The following UBE2G2 variants were observed in gnomAD, a reference collection of about 807,000 sequenced individuals.
The protein encoded by UBE2G2 is ubiquitin-conjugating enzyme E2 G2.
UBE2G2 carries 10 observed loss-of-function variants against 23.0 expected under a neutral mutation model. The observed-to-expected ratio is 0.43, with a 90% CI of 0.27 to 0.74. UBE2G2 has a LOEUF of 0.74. Ranked by LOEUF, UBE2G2 falls within the 30% of genes least tolerant of loss-of-function variation. The pLI is 0.19. For missense variants in UBE2G2, 150 were observed against 218.3 expected (o/e 0.69, Z 1.97); for synonymous variants, 86 against 81.3 (o/e 1.06, Z -0.31).
chr21:44,777,124 A>G, intron 4 of UBE2G2, 175 bp downstream of exon 4: 1 of 606,660 alleles, frequency 1.6e-6, no homozygotes, highest in Non-Finnish European at 2.8e-6. Context: ...GACCTTCAAA[A>G]TTGAAATCAT....
intron 3 of UBE2G2, among the ~76,000 whole-genome samples, chr21:44,780,809 C>T (rs781784371): frequency 6.6e-6 from 1 of 152,186 alleles, no homozygotes; most frequent in Non-Finnish European, 1.5e-5. Flanking sequence ...CAGTGAAAAG[C>T]GAAGATCAGC....
chr21:44,775,016 C>CA (rs1432740022), intron 4 of UBE2G2: 1 of 291,684 alleles, frequency 3.4e-6, no homozygotes, highest in African/African-American at 2.3e-5. Flanking sequence ...GGCTTCCTCC[C>CA]ACCTGTCCTT....
At chr21:44,788,598 T>C (rs1258926444) in intron 1 of UBE2G2, among the ~76,000 whole-genome samples, 3 of 150,352 alleles carry the variant, frequency 2.0e-5, no homozygotes, top group African/African-American at 7.3e-5. Flanking sequence ...CAAATAGTTC[T>C]TTATACCAAC....
Position 44,770,103 on chromosome 21 carries a change from G to C in UBE2G2, c.*1274C>G, listed in dbSNP as rs1394141236. 1 of 152,252 alleles carries C rather than the reference G, an allele frequency of 6.6e-6. No individual in the cohort carries two copies. The highest frequency in any genetic ancestry group is 2.4e-5 in the African/African-American group (1 of 41,462). The allele number at this position is 152,252 out of a possible 1,614,324, so 9.4% of individuals were successfully genotyped here. A position where few individuals can be genotyped will look rare whatever the true frequency, so the allele number is the denominator to read the frequency against. On this transcript the variant is annotated 3_prime_UTR_variant, in exon 6 of 6. Transcript: ENST00000345496. ...CCCACATGCCCACCTCCACAGCCCA[G>C]TCAAGTGTGGGGATAAGGCACTCCT...
chr21:44,786,770 T>C (rs1555962071), intron 3 of UBE2G2, among the ~76,000 whole-genome samples: 3 of 152,274 alleles, frequency 2.0e-5, no homozygotes, highest in East Asian at 1.9e-4. Context: ...AAGACCTTGC[T>C]GCAAATTAAA....
intron 1 of UBE2G2, chr21:44,801,035 C>T (rs571128557): frequency 6.6e-6 from 1 of 152,654 alleles, no homozygotes; most frequent in East Asian, 1.9e-4. Context: ...GCTCCTGGCG[C>T]TTTCAACACA....
chr21:44,773,230 T>C (rs1461767520), intron 5 of UBE2G2, among the ~76,000 whole-genome samples: 1 of 152,124 alleles, frequency 6.6e-6, no homozygotes, highest in Non-Finnish European at 1.5e-5. Context: ...GGGGTCTTTG[T>C]CACACGAAGC....
rs147062773 is a variant in UBE2G2 at position 44,786,297 on chromosome 21, C to T, written c.125+1623G>A. ...AGCTGCCCCGATACAAGTATACAGC[C>T]GCACAGTCCACTAATGAGGACAGCC... On this transcript the variant is annotated intron_variant, in intron 3 of 5. Transcript: ENST00000345496. 4.5e-3 allele frequency among the ~76,000 whole-genome samples: 690 copies of T among 152,312 alleles called. 8 individuals are homozygous for T. Among genetic ancestry groups the T allele is most frequent in the African/African-American group, 0.016 (661 of 41,564 alleles).
intron 3 of UBE2G2, among the ~76,000 whole-genome samples, chr21:44,779,513 C>CA (rs1215319794): frequency 1.3e-5 from 2 of 151,966 alleles, no homozygotes; most frequent in South Asian, 4.2e-4. Context: ...GAGTACCCCC[C>CA]CCGGCCCACA....
intron 1 of UBE2G2, among the ~76,000 whole-genome samples, chr21:44,797,581 G>A (rs889706888): frequency 1.1e-4 from 16 of 152,022 alleles, no homozygotes; most frequent in African/African-American, 3.6e-4. Context: ...CGGGCATGGT[G>A]GCGCGCGCCT....
intron 3 of UBE2G2, among the ~76,000 whole-genome samples, chr21:44,777,904 T>C (rs1170386425): frequency 1.3e-5 from 2 of 152,220 alleles, no homozygotes; most frequent in Non-Finnish European, 1.5e-5. Flanking sequence ...TGGAAAGCAA[T>C]GTCCCATTCT....
At chr21:44,773,520 G>T (rs781975965) in intron 5 of UBE2G2, 27 bp downstream of exon 5, 2 of 1,600,564 alleles carry the variant, frequency 1.2e-6, no homozygotes, top group Non-Finnish European at 1.7e-6. Context: ...GTCCACGGCA[G>T]CTCCTGCCAG....
rs1197992434 is a variant in UBE2G2 at position 44,768,865 on chromosome 21, G to A, written c.*2512C>T. 6.6e-6 allele frequency: 1 copy of A among 152,212 alleles called. No individual in the cohort carries two copies. The highest frequency in any genetic ancestry group is 2.4e-5 in the African/African-American group (1 of 41,446). The allele number at this position is 152,212 out of a possible 1,614,324, so 9.4% of individuals were successfully genotyped here. ...GACCCCAACTAACCTGAGAATTCCA[G>A]AGGAAGACCACAGAATGACAGAAGG... is the stretch of plus-strand genomic sequence containing the variant. On this transcript the variant is annotated 3_prime_UTR_variant, in exon 6 of 6. Transcript: ENST00000345496.
chr21:44,801,478 G>T, intron 1 of UBE2G2: 2 of 1,110,464 alleles, frequency 1.8e-6, no homozygotes, highest in Non-Finnish European at 2.3e-6. Context: ...CTAACACGGC[G>T]CCGGCGCTGC....
At chr21:44,773,428 A>C in intron 5 of UBE2G2, 119 bp downstream of exon 5, 4 of 1,277,172 alleles carry the variant, frequency 3.1e-6, no homozygotes, top group Non-Finnish European at 2.1e-6. Flanking sequence ...TGGCAATAGC[A>C]TGTGTAAACT....
intron 3 of UBE2G2, among the ~76,000 whole-genome samples, chr21:44,778,311 C>T (rs1158704185): frequency 6.6e-6 from 1 of 152,256 alleles, no homozygotes; most frequent in Non-Finnish European, 1.5e-5. Context: ...CACCACCACT[C>T]CAGGCTGCAC....
In UBE2G2 at chr21:44,773,675, C is replaced by A; in HGVS notation, c.257G>T (p.Gly86Val). 1 of 1,612,426 alleles carries A rather than the reference C, an allele frequency of 6.2e-7. No individual in the cohort carries two copies. Among genetic ancestry groups the A allele is most frequent in the Non-Finnish European group, 8.5e-7 (1 of 1,180,020 alleles). ...EMFHPNIYPD[G>V]RVCISILHAP... ...GTGGAGGATGGAAATGCAGACTCTC[C>A]CATCAGGGTAGACTGCAAGGGTCAG... Residue 86 changes from glycine (G) to valine (V), a missense_variant, in exon 5 of 6, where the codon GGG (glycine) becomes GTG (valine). Coordinates refer to ENST00000345496, the MANE Select transcript of UBE2G2 (RefSeq NM_003343.6).
intron 1 of UBE2G2, among the ~76,000 whole-genome samples, chr21:44,795,091 C>G (rs929270015): frequency 6.6e-6 from 1 of 151,876 alleles, no homozygotes; most frequent in South Asian, 2.1e-4. Flanking sequence ...AGTGAAATCC[C>G]GTTTCTACTA....
rs782194259 is a variant in UBE2G2 at position 44,801,783 on chromosome 21, C to A, written c.-35G>T. 4.2e-5 allele frequency: 63 copies of A among 1,505,966 alleles called. No individual in the cohort carries two copies. Among genetic ancestry groups the A allele is most frequent in the Non-Finnish European group, 5.5e-5 (62 of 1,130,916 alleles). The allele number at this position is 1,505,966 out of a possible 1,614,324, so 93.3% of individuals were successfully genotyped here. ...ACAGCTGCGCCGAGCGACCTCGCCTCAGCCGCGCGCGTGCCTCCTGCCCCG... is the reference window on the plus strand; with the variant it reads ...ACAGCTGCGCCGAGCGACCTCGCCTAAGCCGCGCGCGTGCCTCCTGCCCCG... On this transcript the variant is annotated 5_prime_UTR_variant, in exon 1 of 6. Transcript: ENST00000345496.
Sources: allele counts gnomAD v4.1 joint callset (sites outside exome capture counted in the v4.1 genomes callset), GRCh38; gene constraint gnomAD v4.1.1; transcripts MANE v1.5; gene names NCBI Gene and HGNC (gene_info 2026-07-23, HGNC 2026-07-21).